TRIM71: variants seen among roughly 807,000 people sequenced by gnomAD.
TRIM71 encodes the protein tripartite motif containing 71, also known as E3 ubiquitin-protein ligase TRIM71.
TRIM71 carries 9 observed loss-of-function variants against 61.2 expected under a neutral mutation model. The observed-to-expected ratio is 0.15, with a 90% CI of 0.09 to 0.26. TRIM71 has a LOEUF of 0.26. Among genes scored for constraint, TRIM71 ranks in the 10% least tolerant of loss-of-function variants. The pLI is 1.00. For synonymous variants in TRIM71, 645 were observed against 553.2 expected (o/e 1.17, Z -2.33); for missense variants, 998 against 1,238.7 (o/e 0.81, Z 2.92).
chr3:32,833,759 T>C (rs1270313088), intron 1 of TRIM71, among the ~76,000 whole-genome samples: 3 of 152,034 alleles, frequency 2.0e-5, no homozygotes, highest in Non-Finnish European at 4.4e-5. Context: ...TTTTCTGCAA[T>C]ATGCCCTGTT....
At position 32,818,905 on chromosome 3, in the gene TRIM71, C is replaced by T. The variant is rs188521497; in HGVS notation, c.825C>T (p.Leu275=). ...FSILSVFPER[L]GFCQHHDDEV... ...TCCTCTCAGTGTTTCCCGAGCGCCT[C>T]GGCTTCTGCCAGCACCACGACGACG... Residue 275 remains leucine, a synonymous_variant, in exon 1 of 4, where the codon CTC becomes CTT. Transcript: ENST00000383763. 1.2e-6 allele frequency: 2 copies of T among 1,612,656 alleles called. No individual in the cohort carries two copies. The highest frequency in any genetic ancestry group is 2.2e-5 in the East Asian group (1 of 44,848).
rs1553647762 is a variant in TRIM71, at chr3:32,891,852, G to GTGTCTC, written c.*42_*43insGTCTCT. On this transcript the variant is annotated 3_prime_UTR_variant, in exon 4 of 4. Coordinates refer to ENST00000383763, the MANE Select transcript of TRIM71 (RefSeq NM_001039111.3). This position sits in a 1 kb window ranked among gnomAD's most constrained non-coding sequence, Gnocchi z 8.2. ...TTCTGTGTTTGGGGTGTGTGTGCGT[G>GTGTCTC]TCTCTCTCTCTCTCTCTCTCTTTCT... 1 of 1,396,792 alleles carries GTGTCTC rather than the reference G, an allele frequency of 7.2e-7. No homozygotes were observed. The highest frequency in any genetic ancestry group is 9.7e-7 in the Non-Finnish European group (1 of 1,035,948). 86.5% of individuals were successfully genotyped at this position (1,396,792 alleles called of 1,614,324 possible).
chr3:32,862,486 G>A (rs188000593), intron 1 of TRIM71, among the ~76,000 whole-genome samples: 2 of 152,176 alleles, frequency 1.3e-5, no homozygotes, highest in Admixed American at 1.3e-4. Context: ...GTACACTGTT[G>A]CCCGCTGTTT....
chr3:32,836,433 A>G (rs1387432710), intron 1 of TRIM71, among the ~76,000 whole-genome samples: 1 of 152,168 alleles, frequency 6.6e-6, no homozygotes, highest in Non-Finnish European at 1.5e-5. Flanking sequence ...GGCATTTTGG[A>G]TAAATACTGA....
chr3:32,881,852 T>A lies in TRIM71; in HGVS notation c.1021-4082T>A, dbSNP rs554825360. On this transcript the variant is annotated intron_variant, in intron 2 of 3. Coordinates refer to ENST00000383763, the MANE Select transcript of TRIM71 (RefSeq NM_001039111.3). ...ATGCCATGCTTGGCTGGGTCGTGCG[T>A]AATTTGGAAGGGAAAGACCTATTTT... Among the ~76,000 whole-genome samples the A allele has an allele frequency of 8.5e-4, 130 of 152,290 alleles. 2 individuals are homozygous for A. The Middle Eastern group carries it at 0.01, about 12-fold the overall frequency.
chr3:32,845,994 C>T (rs923506998), intron 1 of TRIM71, among the ~76,000 whole-genome samples: 3 of 140,226 alleles, frequency 2.1e-5, no homozygotes, highest in Non-Finnish European at 3.1e-5. Context: ...TTTTAAAAAA[C>T]GGAGTTGGAG....
chr3:32,864,632 G>C lies in TRIM71; in HGVS notation c.853-9186G>C, dbSNP rs533879410. 2.9e-3 allele frequency among the ~76,000 whole-genome samples: 437 copies of C among 152,236 alleles called. 3 individuals carry two copies. Among genetic ancestry groups the C allele is most frequent in the Non-Finnish European group, 4.7e-3 (322 of 68,040 alleles). ...GGATGCAGGATGTCAACAGGGTCCT[G>C]ACACCCCAGTGCCCCCAGGGGCAGA... On this transcript the variant is annotated intron_variant, in intron 1 of 3. Coordinates refer to ENST00000383763, the MANE Select transcript of TRIM71 (RefSeq NM_001039111.3).
Position 32,818,578 on chromosome 3 carries a change from A to T in TRIM71, c.498A>T (p.Pro166=). 7 of 1,278,274 alleles carry T rather than the reference A, an allele frequency of 5.5e-6. No homozygotes were observed. Among genetic ancestry groups the T allele is most frequent in the Non-Finnish European group, 6.9e-6 (7 of 1,021,532 alleles). 79.2% of individuals were successfully genotyped at this position (1,278,274 alleles called of 1,614,324 possible). ...CGCGCGCGTCCGCCTCCGCGCCGCC[A>T]CTCCCGCAGGCGCCGCAGCCGCCCG... is the stretch of plus-strand genomic sequence containing the variant. ...AHPRASASAP[P]LPQAPQPPAP... Residue 166 remains proline, a synonymous_variant, in exon 1 of 4, where the codon CCA becomes CCT. Transcript: ENST00000383763.
Position 32,893,781 on chromosome 3 carries a change from A to AATTT in TRIM71, c.*1972_*1975dup, listed in dbSNP as rs913163823. 2 of 152,130 alleles carry AATTT rather than the reference A, an allele frequency of 1.3e-5. No homozygotes were observed. Among genetic ancestry groups the AATTT allele is most frequent in the Non-Finnish European group, 1.5e-5 (1 of 68,018 alleles). 9.4% of individuals were successfully genotyped at this position (152,130 alleles called of 1,614,324 possible). On this transcript the variant is annotated 3_prime_UTR_variant, in exon 4 of 4. Coordinates refer to ENST00000383763, the MANE Select transcript of TRIM71 (RefSeq NM_001039111.3). ...TCCCGTACACCTCTTTTGGACGTTT[A>AATTT]ATTTACTACTACTACAAGCTACTCT...
At chr3:32,868,209 C>G (rs1696759606) in intron 1 of TRIM71, among the ~76,000 whole-genome samples, 1 of 152,082 alleles carries the variant, frequency 6.6e-6, no homozygotes, top group Non-Finnish European at 1.5e-5. Flanking sequence ...CCCTGCTGGC[C>G]TTTTGTTTTT....
rs1026244971 is a variant in TRIM71 at position 32,893,352 on chromosome 3, C to G, written c.*1541C>G. Reference sequence around the variant, plus strand: ...GAACTGTGGGGTAGAATCTGTGTCACTTTACAGGATTGGTTGGTTGTAAGC... The same window carrying G: ...GAACTGTGGGGTAGAATCTGTGTCAGTTTACAGGATTGGTTGGTTGTAAGC... On this transcript the variant is annotated 3_prime_UTR_variant, in exon 4 of 4. Transcript: ENST00000383763. The G allele has an allele frequency of 9.9e-5, 15 of 152,204 alleles. No individual in the cohort carries two copies. The highest frequency in any genetic ancestry group is 3.6e-4 in the African/African-American group (15 of 41,444). The allele number at this position is 152,204 out of a possible 1,614,324, so 9.4% of individuals were successfully genotyped here.
chr3:32,843,121 G>C (rs1008246437), intron 1 of TRIM71, among the ~76,000 whole-genome samples: 1 of 152,134 alleles, frequency 6.6e-6, no homozygotes, highest in Non-Finnish European at 1.5e-5. Context: ...CAGGGTGCTG[G>C]GACTAGGTTT....
At chr3:32,820,387 A>G (rs367769154) in intron 1 of TRIM71, among the ~76,000 whole-genome samples, 1 of 152,246 alleles carries the variant, frequency 6.6e-6, no homozygotes, top group Non-Finnish European at 1.5e-5. Context: ...TCTTCTAGGT[A>G]AGAAGCTAGG....
At chr3:32,872,103 C>T (rs975926600) in intron 1 of TRIM71, among the ~76,000 whole-genome samples, 5 of 152,066 alleles carry the variant, frequency 3.3e-5, no homozygotes, top group Non-Finnish European at 7.4e-5. Context: ...GCCGAGATCG[C>T]GTCGCCACTG....
At chr3:32,874,119 C>A in intron 2 of TRIM71, 134 bp downstream of exon 2, 2 of 884,792 alleles carry the variant, frequency 2.3e-6, no homozygotes, top group South Asian at 1.9e-5. Context: ...AGGTGACATC[C>A]CTGCAGCAGC....
chr3:32,848,941 T>G (rs1267414291), intron 1 of TRIM71, among the ~76,000 whole-genome samples: 1 of 152,148 alleles, frequency 6.6e-6, no homozygotes, highest in Non-Finnish European at 1.5e-5. Context: ...CCCTATTCAA[T>G]GAGTTCCCTG....
chr3:32,855,214 A>G (rs1293144288), intron 1 of TRIM71, among the ~76,000 whole-genome samples: 1 of 152,192 alleles, frequency 6.6e-6, no homozygotes, highest in East Asian at 1.9e-4. Flanking sequence ...TACTGTACTT[A>G]AATTCAAATG....
rs779486926 is a variant in TRIM71 at position 32,818,303 on chromosome 3, C to T, written c.223C>T (p.Leu75=). 8.4e-5 allele frequency: 121 copies of T among 1,434,760 alleles called. No individual in the cohort carries two copies. The highest frequency in any genetic ancestry group is 2.7e-4 in the African/African-American group (18 of 66,920). 88.9% of individuals were successfully genotyped at this position (1,434,760 alleles called of 1,614,324 possible). A position where few individuals can be genotyped will look rare whatever the true frequency, so the allele number is the denominator to read the frequency against. The change falls in exon 1 of 4, where the codon CTG becomes TTG. Residue 75 remains leucine (L), a synonymous_variant. Transcript: ENST00000383763. ...FCRPCLEAHR[L]PAAGGGAAGE... ...CCGCCCCTGCCTCGAGGCGCACCGGCTGCCGGCGGCGGGCGGCGGCGCGGC... is the reference window on the plus strand; with the variant it reads ...CCGCCCCTGCCTCGAGGCGCACCGGTTGCCGGCGGCGGGCGGCGGCGCGGC...
At chr3:32,867,091 G>A (rs1696746092) in intron 1 of TRIM71, among the ~76,000 whole-genome samples, 1 of 152,016 alleles carries the variant, frequency 6.6e-6, no homozygotes, top group Non-Finnish European at 1.5e-5. Flanking sequence ...CTTGTCCATG[G>A]AGCCCAAACA....
Sources: gnomAD v4.1 joint callset for allele counts (sites outside exome capture counted in the v4.1 genomes callset) on GRCh38, gnomAD v4.1.1 for gene constraint, Gnocchi (gnomAD v3.1) non-coding constraint, MANE v1.5 for transcripts, NCBI Gene and HGNC (gene_info 2026-07-23, HGNC 2026-07-21) for gene names.